Variants in IQGAP2 observed in about 807,000 individuals in gnomAD.
The protein encoded by IQGAP2 is IQ motif containing GTPase activating protein 2, also known as ras GTPase-activating-like protein IQGAP2.
Under a neutral mutation model 201.3 loss-of-function variants are expected in IQGAP2, and 173 were observed. The ratio of observed to expected loss-of-function variants is 0.86; its 90% CI spans 0.76 to 0.98. IQGAP2 has a LOEUF of 0.98. IQGAP2 is among the 50% of genes least tolerant of loss of function. The pLI, the probability that IQGAP2 is intolerant of heterozygous loss-of-function variation, is 0.00. For missense variants in IQGAP2, 1,687 were observed against 1,864.8 expected (o/e 0.90, Z 1.76); for synonymous variants, 675 against 673.9 (o/e 1.00, Z -0.03).
intron 35 of IQGAP2, among the ~76,000 whole-genome samples, chr5:76,706,591 A>G (rs200040492): frequency 6.6e-6 from 1 of 151,986 alleles, no homozygotes; most frequent in African/African-American, 2.4e-5. Context: ...CAAGTGATCC[A>G]CCTGCCTCAG....
At chr5:76,504,341 C>A (rs965602614) in intron 2 of IQGAP2, among the ~76,000 whole-genome samples, 1 of 152,164 alleles carries the variant, frequency 6.6e-6, no homozygotes, top group African/African-American at 2.4e-5. Flanking sequence ...GGTAGCTGAG[C>A]CTCCATTGCC....
At chr5:76,624,583 AG>A (rs1409603763) in intron 13 of IQGAP2, 2 of 152,222 alleles carry the variant, frequency 1.3e-5, no homozygotes, top group Non-Finnish European at 2.9e-5. Context: ...ATATTGACAA[AG>A]GTTTTTTTTG....
chr5:76,663,238 G>A (rs3797446), intron 21 of IQGAP2, among the ~76,000 whole-genome samples: 56,709 of 152,156 alleles, frequency 0.37, 11,914 homozygotes, highest in South Asian at 0.5. Flanking sequence ...GGTGATAGAC[G>A]CTGGTAGTGC....
At chr5:76,689,889 A>G (rs1480663709) in intron 30 of IQGAP2, among the ~76,000 whole-genome samples, 2 of 152,234 alleles carry the variant, frequency 1.3e-5, no homozygotes, top group Non-Finnish European at 2.9e-5. Context: ...TACTGGTAAT[A>G]ATAGATACCA....
At position 76,654,342 on chromosome 5, in the gene IQGAP2, C is replaced by T. The variant is rs997230794; in HGVS notation, c.2250+71C>T. On this transcript the variant is annotated intron_variant, in intron 19 of 35. Coordinates refer to ENST00000274364, the MANE Select transcript of IQGAP2 (RefSeq NM_006633.5). ...AAATGAATGCTTTATTGAAAGTTAG[C>T]ATTGAATGATTTTTATTGAATGGTG... The T allele has an allele frequency of 3.0e-6, 3 of 987,512 alleles. No homozygotes were observed. In the African/African-American group the frequency reaches 4.9e-5, roughly 16 times the overall value. The allele number at this position is 987,512 out of a possible 1,614,324, so 61.2% of individuals were successfully genotyped here. A position where few individuals can be genotyped will look rare whatever the true frequency, so the allele number is the denominator to read the frequency against.
intron 2 of IQGAP2, among the ~76,000 whole-genome samples, chr5:76,466,511 A>G (rs1377504316): frequency 1.3e-5 from 2 of 152,246 alleles, no homozygotes; most frequent in Non-Finnish European, 1.5e-5. Flanking sequence ...CATATAGATC[A>G]ATAGAGTAGA....
chr5:76,518,170 C>T (rs544079955), intron 2 of IQGAP2, among the ~76,000 whole-genome samples: 106 of 152,162 alleles, frequency 7.0e-4, no homozygotes, highest in African/African-American at 2.4e-3. Context: ...CCATGTTGGC[C>T]GGGCTGGTCT....
chr5:76,487,105 T>TC (rs1473350117), intron 2 of IQGAP2, among the ~76,000 whole-genome samples: 1 of 146,702 alleles, frequency 6.8e-6, no homozygotes, highest in Admixed American at 6.8e-5. Context: ...TTTCTTTCTT[T>TC]TTTTTTTTTT....
intron 13 of IQGAP2, chr5:76,624,326 C>A (rs947624620): frequency 6.6e-6 from 1 of 152,080 alleles, no homozygotes; most frequent in African/African-American, 2.4e-5. Context: ...AAACTTGAAG[C>A]CTGACCATCC....
At chr5:76,618,202 T>C in intron 13 of IQGAP2, 1 of 1,614,148 alleles carries the variant, frequency 6.2e-7, no homozygotes. Flanking sequence ...ATGACTGTGG[T>C]GGCCCGGCAC....
Position 76,493,119 on chromosome 5 carries a change from C to T in IQGAP2, c.146+31450C>T, listed in dbSNP as rs563486631. Among the ~76,000 whole-genome samples the T allele has an allele frequency of 3.9e-5, 6 of 152,266 alleles. No homozygotes were observed. The South Asian group carries it at 8.3e-4, about 21-fold the overall frequency. On this transcript the variant is annotated intron_variant, in intron 2 of 35. Coordinates refer to ENST00000274364, the MANE Select transcript of IQGAP2 (RefSeq NM_006633.5). ...CTTTTAACTGGTCTCCTGCTGCTTC[C>T]CTTGTCCCCACTTGCTCTGTTCTCA...
intron 1 of IQGAP2, among the ~76,000 whole-genome samples, chr5:76,422,493 C>T (rs374060275): frequency 6.6e-6 from 1 of 152,210 alleles, no homozygotes; most frequent in East Asian, 1.9e-4. Context: ...GTGGTTGTCT[C>T]ATAATGATTA....
At chr5:76,675,712 CT>C (rs1425164691) in intron 27 of IQGAP2, among the ~76,000 whole-genome samples, 1 of 152,276 alleles carries the variant, frequency 6.6e-6, no homozygotes, top group Non-Finnish European at 1.5e-5. Context: ...ATTCCTCGGT[CT>C]CCCTTGGAGT....
At chr5:76,555,510 T>TG (rs1363025015) in intron 2 of IQGAP2, among the ~76,000 whole-genome samples, 5 of 152,192 alleles carry the variant, frequency 3.3e-5, no homozygotes, top group African/African-American at 9.7e-5. Flanking sequence ...ACAGGAAGTT[T>TG]GACCCCAACA....
intron 2 of IQGAP2, among the ~76,000 whole-genome samples, chr5:76,474,109 C>T (rs1396982248): frequency 6.6e-6 from 1 of 152,124 alleles, no homozygotes; most frequent in Non-Finnish European, 1.5e-5. Flanking sequence ...AGTCAAATCC[C>T]CATTTCATAT....
chr5:76,618,068 T>C, intron 13 of IQGAP2: 2 of 1,614,072 alleles, frequency 1.2e-6, no homozygotes, highest in Non-Finnish European at 1.7e-6. Flanking sequence ...CCAGTCCACA[T>C]GTTACCAAGG....
intron 28 of IQGAP2, among the ~76,000 whole-genome samples, chr5:76,680,818 AT>A (rs1215227944): frequency 6.8e-6 from 1 of 147,610 alleles, no homozygotes; most frequent in Non-Finnish European, 1.5e-5. Flanking sequence ...AAAAAAAAAA[AT>A]TTCATCCAGG....
intron 13 of IQGAP2, chr5:76,617,881 C>T (rs757407047): frequency 1.1e-5 from 18 of 1,613,754 alleles, no homozygotes; most frequent in South Asian, 2.2e-5. Flanking sequence ...ATGATAAGCA[C>T]AAATGGAATT....
At chr5:76,473,828 A>G (rs892941344) in intron 2 of IQGAP2, among the ~76,000 whole-genome samples, 6 of 152,156 alleles carry the variant, frequency 3.9e-5, no homozygotes, top group African/African-American at 1.2e-4. Context: ...TGAAACATCA[A>G]AAGGTATGAG....
Sources: allele counts gnomAD v4.1 joint callset (sites outside exome capture counted in the v4.1 genomes callset), GRCh38; gene constraint gnomAD v4.1.1; transcripts MANE v1.5; gene names NCBI Gene and HGNC (gene_info 2026-07-23, HGNC 2026-07-21).